Variants in TRAPPC8 observed in about 807,000 individuals in gnomAD.
TRAPPC8 encodes the protein trafficking protein particle complex subunit 8, also known as general sporulation gene 1 homolog.
In TRAPPC8, 54 loss-of-function variants were observed where a neutral mutation model predicts 174.3. That is an observed-to-expected ratio of 0.31 (90% CI 0.25 to 0.39). The LOEUF (loss-of-function observed/expected upper bound fraction) is 0.39, where lower values mean the gene tolerates loss of function less well. Among genes scored for constraint, TRAPPC8 ranks in the 10% least tolerant of loss-of-function variants. The pLI, the probability that TRAPPC8 is intolerant of heterozygous loss-of-function variation, is 1.00. For synonymous variants in TRAPPC8, 630 were observed against 579.9 expected, an observed-to-expected ratio of 1.09 and a Z score of -1.24; for missense variants, 1,531 against 1,699.1, an observed-to-expected ratio of 0.90 and a Z score of 1.74.
At chr18:31,936,747 C>T (rs902224942) in intron 1 of TRAPPC8, among the ~76,000 whole-genome samples, 6 of 151,094 alleles carry the variant, frequency 4.0e-5, no homozygotes, top group Admixed American at 1.3e-4. Flanking sequence ...ACTAACAACA[C>T]GAAAATTAGC....
chr18:31,909,052 C>G (rs754110135), intron 6 of TRAPPC8, 42 bp from the exon 7 acceptor site: 129 of 1,536,394 alleles, frequency 8.4e-5, no homozygotes, highest in Non-Finnish European at 1.1e-4. Flanking sequence ...CAGAATGCAA[C>G]AGAAAACAGT....
chr18:31,938,097 C>T (rs1176129550), intron 1 of TRAPPC8, among the ~76,000 whole-genome samples: 3 of 152,086 alleles, frequency 2.0e-5, no homozygotes, highest in Non-Finnish European at 4.4e-5. Flanking sequence ...TTTCTTAAAA[C>T]TTACAGAACA....
intron 14 of TRAPPC8, among the ~76,000 whole-genome samples, chr18:31,871,903 A>C (rs1448752845): frequency 6.6e-6 from 1 of 152,218 alleles, no homozygotes; most frequent in East Asian, 1.9e-4. Context: ...AACGTTGATT[A>C]AATTCAAATA....
chr18:31,917,779 T>A, intron 2 of TRAPPC8, 112 bp from the exon 3 acceptor site: 1 of 865,650 alleles, frequency 1.2e-6, no homozygotes. Flanking sequence ...TTTCTAACAG[T>A]AAACAAGCAT....
At chr18:31,942,410 C>G (rs955259160) in intron 1 of TRAPPC8, among the ~76,000 whole-genome samples, 198 bp downstream of exon 1, 1 of 152,190 alleles carries the variant, frequency 6.6e-6, no homozygotes, top group Admixed American at 6.6e-5. Flanking sequence ...GAAACTGGAG[C>G]TTAGGACTGC....
At position 31,868,526 on chromosome 18, in the gene TRAPPC8, C is replaced by G. The variant is rs150558160; in HGVS notation, c.2389-1050G>C. ...AGTTTAACCGCTCATACTGAGTATT[C>G]CAGGCACCCAAAAGATTAGAAAAAT... On this transcript the variant is annotated intron_variant, in intron 16 of 28. Transcript: ENST00000283351. Among the ~76,000 whole-genome samples the G allele has an allele frequency of 2.9e-3, 435 of 152,190 alleles. 2 individuals carry two copies. Among genetic ancestry groups the G allele is most frequent in the African/African-American group, 9.6e-3 (398 of 41,518 alleles).
At chr18:31,940,380 G>T (rs920194499) in intron 1 of TRAPPC8, among the ~76,000 whole-genome samples, 1 of 151,984 alleles carries the variant, frequency 6.6e-6, no homozygotes, top group South Asian at 2.1e-4. Context: ...CTGGAAAATC[G>T]CTTGAACCTG....
Position 31,830,827 on chromosome 18 carries a change from C to A in TRAPPC8, c.4236G>T (p.Ser1412=). ...TTGTTTCAAACACTGTAACTTGGTC[C>A]GATAACTTGGCAAATACCCTAGGAG... ...LGTPRVFAKL[S]DQVTVFETSQ... is the part of the protein sequence containing the mutation. Residue 1412 remains serine, a synonymous_variant, in exon 29 of 29, where the codon TCG becomes TCT. Coordinates refer to ENST00000283351, the MANE Select transcript of TRAPPC8 (RefSeq NM_014939.5). 1 of 1,614,084 alleles carries A rather than the reference C, an allele frequency of 6.2e-7. No homozygotes were observed.
chr18:31,929,426 C>T (rs2145616730), intron 2 of TRAPPC8, among the ~76,000 whole-genome samples: 1 of 152,000 alleles, frequency 6.6e-6, no homozygotes, highest in Admixed American at 6.6e-5. Flanking sequence ...ACTTGGGAGG[C>T]TGAGGTGAGA....
chr18:31,856,893 T>C (rs11081720), intron 20 of TRAPPC8, among the ~76,000 whole-genome samples: 38,941 of 148,264 alleles, frequency 0.26, 5,566 homozygotes, highest in South Asian at 0.52. Context: ...CTCTCTGTAG[T>C]CTTGACTTCC....
At chr18:31,907,385 G>A (rs1055730231) in intron 9 of TRAPPC8, 75 bp downstream of exon 9, 13 of 1,411,876 alleles carry the variant, frequency 9.2e-6, no homozygotes, top group Non-Finnish European at 1.2e-5. Context: ...TAAGGATTCT[G>A]TTTGCCACCA....
intron 1 of TRAPPC8, among the ~76,000 whole-genome samples, chr18:31,940,732 C>T (rs893796245): frequency 6.6e-6 from 1 of 151,952 alleles, no homozygotes; most frequent in Non-Finnish European, 1.5e-5. Flanking sequence ...CTCCTGACCT[C>T]GTGATCCACC....
At chr18:31,862,420 C>T (rs1202570816) in intron 19 of TRAPPC8, among the ~76,000 whole-genome samples, 1 of 151,846 alleles carries the variant, frequency 6.6e-6, no homozygotes, top group Non-Finnish European at 1.5e-5. Flanking sequence ...GAGTAGACTG[C>T]ATCTAAAAGA....
chr18:31,907,592 T>G lies in TRAPPC8; in HGVS notation c.1257A>C (p.Pro419=), dbSNP rs755526950. The change falls in exon 9 of 29, where the codon CCA becomes CCC. Residue 419 remains proline (P), a synonymous_variant. Coordinates refer to ENST00000283351, the MANE Select transcript of TRAPPC8 (RefSeq NM_014939.5). The part of the protein sequence containing the change: ...TSGLLYPPEA[P]ELQIRKMADL... ...CAGCCATTTTCCTGATTTGAAGTTC[T>G]GGTGCTTCCGGCGGATACCTGTAAA... The G allele has an allele frequency of 1.7e-5, 27 of 1,609,954 alleles. No individual in the cohort carries two copies. Among genetic ancestry groups the G allele is most frequent in the Non-Finnish European group, 2.0e-5 (24 of 1,177,724 alleles).
chr18:31,935,860 C>T (rs1490486333), intron 1 of TRAPPC8, among the ~76,000 whole-genome samples: 3 of 151,698 alleles, frequency 2.0e-5, no homozygotes, highest in Non-Finnish European at 2.9e-5. Context: ...CTCAGCCTCC[C>T]GAGTAGCTGG....
chr18:31,928,979 G>A (rs1292118451), intron 2 of TRAPPC8, among the ~76,000 whole-genome samples: 7 of 151,916 alleles, frequency 4.6e-5, no homozygotes, highest in Admixed American at 2.0e-4. Context: ...TCAGGAGTTC[G>A]AAACCAGCCT....
chr18:31,870,627 T>A, intron 15 of TRAPPC8, 125 bp from the exon 16 acceptor site: 1 of 1,062,024 alleles, frequency 9.4e-7, no homozygotes, highest in Non-Finnish European at 1.4e-6. Flanking sequence ...CTTTATTACC[T>A]TATAAATGTC....
At chr18:31,853,408 C>T (rs537039867) in intron 22 of TRAPPC8, among the ~76,000 whole-genome samples, 40 of 152,290 alleles carry the variant, frequency 2.6e-4, no homozygotes, top group African/African-American at 9.4e-4. Context: ...GCTGGGATTA[C>T]AGGCGCCTGC....
chr18:31,916,248 T>C (rs745609794), intron 4 of TRAPPC8, 24 bp downstream of exon 4: 2 of 1,442,420 alleles, frequency 1.4e-6, no homozygotes, highest in Admixed American at 2.6e-5. Context: ...CTGGAAAAAA[T>C]TTAAAACTAA....
Sources: allele counts gnomAD v4.1 joint callset (sites outside exome capture counted in the v4.1 genomes callset), GRCh38; gene constraint gnomAD v4.1.1; transcripts MANE v1.5; gene names NCBI Gene and HGNC (gene_info 2026-07-23, HGNC 2026-07-21).